TEC: variants seen among roughly 807,000 people sequenced by gnomAD.
TEC encodes the protein tyrosine-protein kinase Tec.
A neutral mutation model predicts 93.0 loss-of-function variants in TEC; 72 were observed. The observed-to-expected ratio is 0.77, with a 90% CI of 0.64 to 0.94. TEC has a LOEUF of 0.94. TEC is among the 40% of genes least tolerant of loss of function. TEC has a pLI of 0.00. For missense variants in TEC, 630 were observed against 757.9 expected (o/e 0.83, Z 1.98); for synonymous variants, 249 against 247.7 (o/e 1.01, Z -0.05).
chr4:48,174,775 T>C (rs1721257096), intron 3 of TEC, among the ~76,000 whole-genome samples: 1 of 152,050 alleles, frequency 6.6e-6, no homozygotes, highest in East Asian at 1.9e-4. Flanking sequence ...TAGATCCAGG[T>C]GGTAGGTGTA....
chr4:48,147,823 AT>A (rs1472782556), intron 11 of TEC, among the ~76,000 whole-genome samples: 2 of 152,216 alleles, frequency 1.3e-5, no homozygotes, highest in Admixed American at 6.5e-5. Context: ...GGTAGAAGTT[AT>A]TGTGCAATTA....
Position 48,145,526 on chromosome 4 carries a change from C to G in TEC, c.1135G>C (p.Gly379Arg). The change falls in exon 13 of 18, where the codon GGA (glycine) becomes CGA (arginine). Residue 379 changes from glycine (G) to arginine (R), a missense_variant. Around this residue, in one of 3 missense-constraint regions of TEC, gnomAD observed 289 missense variants for 390.0 expected, o/e 0.74. Coordinates refer to ENST00000381501, the MANE Select transcript of TEC (RefSeq NM_003215.3). ...CCAAGCCTCACCACTCCAAACAGTC[C>G]ACTTCCCAATTCCCTCATAAAGGTC... ...ELTFMRELGS[G>R]LFGVVRLGKW... 6.2e-7 allele frequency: 1 copy of G among 1,614,170 alleles called. No homozygotes were observed. The highest frequency in any genetic ancestry group is 8.5e-7 in the Non-Finnish European group (1 of 1,180,026).
At chr4:48,222,372 T>C (rs535047413) in intron 2 of TEC, among the ~76,000 whole-genome samples, 45 of 152,266 alleles carry the variant, frequency 3.0e-4, no homozygotes, top group African/African-American at 1.1e-3. Context: ...AGATGAAAGA[T>C]GAAGATCCAG....
intron 1 of TEC, among the ~76,000 whole-genome samples, chr4:48,262,465 AG>A (rs1351301738): frequency 6.6e-6 from 1 of 152,034 alleles, no homozygotes. Context: ...CCAAAGTGCT[AG>A]GATTACAGCC....
chr4:48,215,981 GTC>G (rs899552299), intron 2 of TEC, among the ~76,000 whole-genome samples: 2 of 152,116 alleles, frequency 1.3e-5, no homozygotes, highest in African/African-American at 4.8e-5. Context: ...ATTCTTTAAA[GTC>G]TCTTTAAGCT....
rs1719527931 is a variant in TEC at position 48,138,650 on chromosome 4, A to G, written c.1812+15T>C. The G allele has an allele frequency of 1.3e-6, 2 of 1,587,314 alleles. No homozygotes were observed. Among genetic ancestry groups the G allele is most frequent in the African/African-American group, 1.4e-5 (1 of 73,650 alleles). On this transcript the variant is annotated intron_variant, in intron 17 of 17. Transcript: ENST00000381501. ...CCTAAGAGATTCAAAAAGAAAGCAC[A>G]CAAAAAATCTATACCTCCTGCCAAC...
intron 8 of TEC, among the ~76,000 whole-genome samples, chr4:48,161,568 G>A (rs1720658166): frequency 1.4e-5 from 2 of 147,090 alleles, no homozygotes; most frequent in South Asian, 4.4e-4. Flanking sequence ...CCCAAGCAAA[G>A]AGAACTATTC....
rs763445089 is a variant in TEC, at chr4:48,171,447, A to T, written c.246T>A (p.Val82=). 5.0e-5 allele frequency: 81 copies of T among 1,612,834 alleles called. No homozygotes were observed. Among genetic ancestry groups the T allele is most frequent in the Non-Finnish European group, 5.8e-5 (69 of 1,179,616 alleles). The change falls in exon 4 of 18, where the codon GTT becomes GTA. Residue 82 remains valine (V), a splice_region_variant and synonymous_variant. Transcript: ENST00000381501. Reference sequence around the variant, plus strand: ...TGTAAAGTGTGTTAGCATCATGAACAACCTAAAATAAAACAAAAGATGGAA... The same window carrying T: ...TGTAAAGTGTGTTAGCATCATGAACTACCTAAAATAAAACAAAAGATGGAA... The part of the protein sequence containing the change: ...IPCQNKYPFQ[V]VHDANTLYIF...
intron 9 of TEC, among the ~76,000 whole-genome samples, chr4:48,152,299 G>A (rs972745418): frequency 1.3e-5 from 2 of 151,936 alleles, no homozygotes; most frequent in African/African-American, 2.4e-5. Context: ...TTAGCCAGGC[G>A]TGGTGGTGCG....
intron 2 of TEC, among the ~76,000 whole-genome samples, chr4:48,196,726 G>A (rs936192891): frequency 5.9e-5 from 9 of 152,072 alleles, no homozygotes; most frequent in Admixed American, 4.6e-4. Context: ...GACAAATATC[G>A]GTTTTCTAAA....
chr4:48,150,745 T>G, intron 10 of TEC, 118 bp downstream of exon 10: 2 of 668,892 alleles, frequency 3.0e-6, no homozygotes, highest in Non-Finnish European at 4.7e-6. Context: ...CAAGTTCAGG[T>G]TTTCTTTTTA....
chr4:48,262,431 A>C (rs1223409977), intron 1 of TEC, among the ~76,000 whole-genome samples: 2 of 151,904 alleles, frequency 1.3e-5, no homozygotes, highest in African/African-American at 4.8e-5. Context: ...TCCTGACTTC[A>C]AGTGATCCAC....
intron 8 of TEC, among the ~76,000 whole-genome samples, chr4:48,157,335 G>A (rs1033171573): frequency 2.0e-5 from 3 of 152,148 alleles, no homozygotes; most frequent in Non-Finnish European, 2.9e-5. Context: ...CAAAAGAAAC[G>A]GCAAAACATA....
intron 1 of TEC, among the ~76,000 whole-genome samples, chr4:48,243,602 A>G (rs1723975964): frequency 6.6e-6 from 1 of 152,244 alleles, no homozygotes; most frequent in Non-Finnish European, 1.5e-5. Context: ...ATAAAACATA[A>G]AACATGGCCA....
chr4:48,204,804 G>C (rs1722648727), intron 2 of TEC, among the ~76,000 whole-genome samples: 1 of 152,204 alleles, frequency 6.6e-6, no homozygotes, highest in African/African-American at 2.4e-5. Flanking sequence ...AGAGCTCAGT[G>C]GGTAATGCTT....
chr4:48,142,040 T>C (rs926991919), intron 14 of TEC, among the ~76,000 whole-genome samples: 10 of 152,242 alleles, frequency 6.6e-5, no homozygotes, highest in African/African-American at 2.4e-4. Flanking sequence ...TCCAATTTTC[T>C]TACTGACAAT....
chr4:48,185,772 A>C (rs914332143), intron 2 of TEC, among the ~76,000 whole-genome samples: 6 of 151,096 alleles, frequency 4.0e-5, no homozygotes, highest in African/African-American at 1.5e-4. Context: ...AGAAATATGA[A>C]GGCTCTCCCT....
chr4:48,227,974 C>T (rs1235735166), intron 2 of TEC, among the ~76,000 whole-genome samples: 4 of 152,062 alleles, frequency 2.6e-5, no homozygotes, highest in African/African-American at 9.7e-5. Flanking sequence ...CTGCTTTCTC[C>T]CTGCTGCCAT....
In TEC at chr4:48,245,249, C is replaced by T. The variant is rs145711795; in HGVS notation, c.-45-16590G>A. On this transcript the variant is annotated intron_variant, in intron 1 of 17. Transcript: ENST00000381501. ...CGGAGGTTGCAGTGAGCCGAGATCG[C>T]GCCACGGCACTGCAGCCTGGCAACA... Among the ~76,000 whole-genome samples the T allele has an allele frequency of 4.9e-3, 745 of 151,142 alleles. 7 individuals carry two copies. Among genetic ancestry groups the T allele is most frequent in the African/African-American group, 0.017 (699 of 41,042 alleles).
Sources: allele counts gnomAD v4.1 joint callset (sites outside exome capture counted in the v4.1 genomes callset), GRCh38; gene constraint gnomAD v4.1.1; regional missense constraint gnomAD v4.1.1; transcripts MANE v1.5; gene names NCBI Gene and HGNC (gene_info 2026-07-23, HGNC 2026-07-21).